HECW2: variants seen among roughly 807,000 people sequenced by gnomAD.
HECW2 encodes E3 ubiquitin-protein ligase HECW2.
A neutral mutation model predicts 175.2 loss-of-function variants in HECW2; 61 were observed. The ratio of observed to expected loss-of-function variants is 0.35; its 90% CI spans 0.28 to 0.43. HECW2 has a LOEUF of 0.43. HECW2 is among the 20% of genes least tolerant of loss of function. The pLI is 1.00. For synonymous variants in HECW2, 671 were observed against 731.0 expected (o/e 0.92, Z 1.32); for missense variants, 1,524 against 2,000.5 (o/e 0.76, Z 4.54).
intron 1 of HECW2, among the ~76,000 whole-genome samples, chr2:196,559,400 A>C (rs1037933282): frequency 1.3e-5 from 2 of 152,230 alleles, no homozygotes; most frequent in Admixed American, 6.5e-5. Flanking sequence ...CAATATAAGT[A>C]AGACATCTAA....
At chr2:196,374,454 T>C (rs537699017) in intron 2 of HECW2, among the ~76,000 whole-genome samples, 3 of 152,332 alleles carry the variant, frequency 2.0e-5, no homozygotes, top group East Asian at 3.9e-4. Flanking sequence ...TGAACTTGCA[T>C]TACCTTACTA....
chr2:196,277,974 G>T (rs1206119586), intron 15 of HECW2, among the ~76,000 whole-genome samples: 6 of 75,124 alleles, frequency 8.0e-5, no homozygotes, highest in Non-Finnish European at 1.2e-4. Context: ...ACCGGGGCCT[G>T]TTATGGGGTG....
rs1686770734 is a variant in HECW2 at position 196,198,890 on chromosome 2, A to T, written c.*2387T>A. 1 of 152,214 alleles carries T rather than the reference A, an allele frequency of 6.6e-6. No individual in the cohort carries two copies. The highest frequency in any genetic ancestry group is 1.5e-5 in the Non-Finnish European group (1 of 68,026). 9.4% of individuals were successfully genotyped at this position (152,214 alleles called of 1,614,324 possible). A position where few individuals can be genotyped will look rare whatever the true frequency, so the allele number is the denominator to read the frequency against. On this transcript the variant is annotated 3_prime_UTR_variant, in exon 29 of 29. Coordinates refer to ENST00000644978, the MANE Select transcript of HECW2 (RefSeq NM_001348768.2). The stretch of plus-strand genomic sequence containing the variant: ...ATCTTTGATAATTCCCAATCTGAGA[A>T]CAGTATCAACTAGATGATTATACTA...
chr2:196,313,017 A>G (rs1691556546), intron 10 of HECW2, among the ~76,000 whole-genome samples: 1 of 152,220 alleles, frequency 6.6e-6, no homozygotes, highest in African/African-American at 2.4e-5. Context: ...CATAAGTAAT[A>G]GACGAGTCCT....
intron 1 of HECW2, among the ~76,000 whole-genome samples, chr2:196,450,396 G>A (rs1227787250): frequency 1.3e-5 from 2 of 152,148 alleles, no homozygotes; most frequent in East Asian, 1.9e-4. Context: ...CAGCTACCAG[G>A]AATATAACAG....
rs565143646 is a variant in HECW2, at chr2:196,359,469, A to G, written c.293-15705T>C. Among the ~76,000 whole-genome samples the G allele has an allele frequency of 6.2e-4, 95 of 152,190 alleles. 1 individual carries two copies. The highest frequency in any genetic ancestry group is 2.2e-3 in the African/African-American group (93 of 41,516). ...CTTAAAACAAACAAACAAACAAACA[A>G]ACAAACAAAACCATGCATATATTAA... On this transcript the variant is annotated intron_variant, in intron 2 of 28. Coordinates refer to ENST00000644978, the MANE Select transcript of HECW2 (RefSeq NM_001348768.2).
intron 19 of HECW2, among the ~76,000 whole-genome samples, chr2:196,253,673 T>C (rs1249183230): frequency 6.6e-6 from 1 of 152,200 alleles, no homozygotes; most frequent in South Asian, 2.1e-4. Context: ...TGATATAACA[T>C]CATGAAAAGT....
intron 1 of HECW2, among the ~76,000 whole-genome samples, chr2:196,457,019 C>T (rs2125317660): frequency 6.6e-6 from 1 of 152,298 alleles, no homozygotes; most frequent in African/African-American, 2.4e-5. Context: ...CTGTACCAAG[C>T]TTCAAGCAAA....
intron 14 of HECW2, among the ~76,000 whole-genome samples, chr2:196,284,809 T>G (rs896855325): frequency 6.6e-6 from 1 of 152,202 alleles, no homozygotes; most frequent in African/African-American, 2.4e-5. Flanking sequence ...CTATCACATA[T>G]TAATAAATGC....
Position 196,222,213 on chromosome 2 carries a change from G to C in HECW2, c.4144C>G (p.Gln1382Glu), listed in dbSNP as rs1321426120. ...TFTVNEEVFG[Q>E]ITERELKPGG... ...GCCAGGTGTGCAGATACACACACCT[G>C]CCCAAATACTTCTTCGTTCACAGTG... Residue 1382 changes from glutamine to glutamate, a missense_variant and splice_region_variant, in exon 24 of 29, where the codon CAG becomes GAG. Around this residue, in one of 11 missense-constraint regions of HECW2, gnomAD observed 134 missense variants for 287.8 expected, o/e 0.47. Transcript: ENST00000644978. 2 of 1,612,986 alleles carry C rather than the reference G, an allele frequency of 1.2e-6. No individual in the cohort carries two copies. Among genetic ancestry groups the C allele is most frequent in the South Asian group, 2.2e-5 (2 of 90,992 alleles).
chr2:196,375,135 G>A (rs796429771), intron 2 of HECW2, among the ~76,000 whole-genome samples: 2 of 150,754 alleles, frequency 1.3e-5, no homozygotes, highest in African/African-American at 4.9e-5. Context: ...CTCTAGCCTG[G>A]GCAACAGAGT....
In HECW2 at chr2:196,369,342, GTCTCTCTCTC is replaced by G. The variant is rs71410611; in HGVS notation, c.293-25588_293-25579del. On this transcript the variant is annotated intron_variant, in intron 2 of 28. Coordinates refer to ENST00000644978, the MANE Select transcript of HECW2 (RefSeq NM_001348768.2). ...CCCTTACTCCTCCTAAACAAATGGA[GTCTCTCTCTC>G]TCTCTCTCTCTCTCTCTCTCTCTCT... 7.2e-3 allele frequency among the ~76,000 whole-genome samples: 951 copies of G among 131,554 alleles called. 11 individuals carry two copies. The highest frequency in any genetic ancestry group is 0.024 in the Middle Eastern group (6 of 250). The allele number at this position is 131,554 out of a possible 152,430, so 86.3% of individuals were successfully genotyped here. A position where few individuals can be genotyped will look rare whatever the true frequency, so the allele number is the denominator to read the frequency against.
At chr2:196,338,208 AG>A (rs1250940692) in intron 3 of HECW2, among the ~76,000 whole-genome samples, 1 of 152,096 alleles carries the variant, frequency 6.6e-6, no homozygotes, top group Non-Finnish European at 1.5e-5. Flanking sequence ...TCTCGAGTAA[AG>A]GGGTTTCTGT....
At chr2:196,414,105 A>T (rs906072933) in intron 2 of HECW2, among the ~76,000 whole-genome samples, 1 of 152,228 alleles carries the variant, frequency 6.6e-6, no homozygotes, top group Non-Finnish European at 1.5e-5. Context: ...GCTGCTTTTG[A>T]GTGAAATGCT....
intron 15 of HECW2, among the ~76,000 whole-genome samples, chr2:196,275,585 C>G (rs916176286): frequency 1.3e-5 from 2 of 152,082 alleles, no homozygotes; most frequent in African/African-American, 4.8e-5. Context: ...AACCCCATCT[C>G]TACTAAAAAT....
intron 1 of HECW2, chr2:196,592,792 CACA>C (rs1451840910): frequency 2.0e-5 from 3 of 151,628 alleles, no homozygotes; most frequent in Admixed American, 1.3e-4. Context: ...CGCCCGTCGC[CACA>C]AGCTGCGGGT....
chr2:196,219,359 C>A (rs540932440), intron 26 of HECW2, among the ~76,000 whole-genome samples: 1 of 152,324 alleles, frequency 6.6e-6, no homozygotes, highest in African/African-American at 2.4e-5. Flanking sequence ...AGGTCCCTTG[C>A]AAAGTGTTGG....
intron 1 of HECW2, among the ~76,000 whole-genome samples, chr2:196,474,958 A>T (rs1686511656): frequency 6.6e-6 from 1 of 152,162 alleles, no homozygotes; most frequent in Non-Finnish European, 1.5e-5. Flanking sequence ...CCTGATCCTC[A>T]ACTCTCTGGG....
intron 1 of HECW2, among the ~76,000 whole-genome samples, chr2:196,476,299 C>G (rs1686611836): frequency 6.6e-6 from 1 of 152,026 alleles, no homozygotes; most frequent in Non-Finnish European, 1.5e-5. Flanking sequence ...CAAAACTTAG[C>G]CGGGTGTGGT....
Sources: gnomAD v4.1 joint callset for allele counts (sites outside exome capture counted in the v4.1 genomes callset) on GRCh38, gnomAD v4.1.1 for gene constraint, gnomAD v4.1.1 regional missense constraint, MANE v1.5 for transcripts, NCBI Gene and HGNC (gene_info 2026-07-23, HGNC 2026-07-21) for gene names.